SBF2: variants seen among roughly 807,000 people sequenced by gnomAD.
SBF2 encodes the protein myotubularin-related protein 13.
In SBF2, 112 loss-of-function variants were observed where a neutral mutation model predicts 225.2. The observed-to-expected ratio is 0.50, with a 90% CI of 0.43 to 0.58. SBF2 has a LOEUF of 0.58. Ranked by LOEUF, SBF2 falls within the 20% of genes least tolerant of loss-of-function variation. The pLI is 0.00. For synonymous variants in SBF2, 763 were observed against 773.3 expected (o/e 0.99, Z 0.22); for missense variants, 1,996 against 2,206.2 (o/e 0.90, Z 1.91).
At chr11:9,793,065 G>A (rs7102804) in intron 33 of SBF2, among the ~76,000 whole-genome samples, 55,208 of 151,064 alleles carry the variant, frequency 0.37, 10,404 homozygotes, top group Non-Finnish European at 0.39. Context: ...GGTGTGAGCC[G>A]TTGCACCCAG....
Position 10,090,764 on chromosome 11 carries a change from CAA to C in SBF2, c.142-47785_142-47784del, listed in dbSNP as rs201577494. ...TGGGAGTCAGAGCAAGATTCCATCT[CAA>C]AAAAAAAAAAAAAAAAAAAGCTATT... is the stretch of plus-strand genomic sequence containing the variant. On this transcript the variant is annotated intron_variant, in intron 2 of 39. Transcript: ENST00000256190. Among the ~76,000 whole-genome samples the C allele has an allele frequency of 2.9e-4, 13 of 44,420 alleles. No individual in the cohort carries two copies. In the East Asian group the frequency reaches 3.5e-3, roughly 12 times the overall value. The allele number at this position is 44,420 out of a possible 152,430, so 29.1% of individuals were successfully genotyped here.
At chr11:10,115,299 G>A (rs1425314611) in intron 2 of SBF2, among the ~76,000 whole-genome samples, 3 of 152,052 alleles carry the variant, frequency 2.0e-5, no homozygotes, top group Non-Finnish European at 4.4e-5. Flanking sequence ...ATACATTGCT[G>A]TGTATTTTTA....
intron 6 of SBF2, among the ~76,000 whole-genome samples, chr11:10,028,016 A>T (rs1949111821): frequency 6.6e-6 from 1 of 152,156 alleles, no homozygotes; most frequent in Non-Finnish European, 1.5e-5. Context: ...CTCAAGTGAT[A>T]CATCTACCTC....
chr11:10,019,101 G>A (rs1031928296), intron 6 of SBF2, among the ~76,000 whole-genome samples: 21 of 152,144 alleles, frequency 1.4e-4, no homozygotes, highest in African/African-American at 4.3e-4. Flanking sequence ...GGTAAGAGCT[G>A]TGATTTGTTC....
intron 1 of SBF2, among the ~76,000 whole-genome samples, chr11:10,286,262 A>G (rs756787544): frequency 6.6e-6 from 1 of 152,216 alleles, no homozygotes; most frequent in Non-Finnish European, 1.5e-5. Flanking sequence ...CAATGTATAC[A>G]TAAAACATCA....
intron 16 of SBF2, among the ~76,000 whole-genome samples, chr11:9,912,868 AC>A (rs1222470076): frequency 2.6e-5 from 4 of 152,278 alleles, no homozygotes; most frequent in Non-Finnish European, 4.4e-5. Flanking sequence ...CATATTGCAT[AC>A]AAGAAGACAT....
At chr11:9,985,986 A>G (rs1403174101) in intron 13 of SBF2, among the ~76,000 whole-genome samples, 1 of 152,190 alleles carries the variant, frequency 6.6e-6, no homozygotes, top group African/African-American at 2.4e-5. Context: ...TACCCATTCT[A>G]TTCAACAGCA....
At chr11:10,262,409 A>T (rs999369943) in intron 1 of SBF2, among the ~76,000 whole-genome samples, 1 of 152,138 alleles carries the variant, frequency 6.6e-6, no homozygotes, top group South Asian at 2.1e-4. Context: ...TCAAAGTGCA[A>T]CTCAAAATAA....
chr11:9,903,166 C>CA, intron 16 of SBF2, among the ~76,000 whole-genome samples: 1 of 151,770 alleles, frequency 6.6e-6, no homozygotes, highest in Admixed American at 6.6e-5. Flanking sequence ...CTAAAAAATA[C>CA]AAAAAATTAG....
intron 13 of SBF2, among the ~76,000 whole-genome samples, chr11:9,982,710 G>A (rs937930915): frequency 3.9e-5 from 6 of 152,186 alleles, no homozygotes; most frequent in African/African-American, 9.7e-5. Context: ...TCCTCGGAAG[G>A]AAGTGAACTG....
At chr11:10,249,235 CA>C (rs144334000) in intron 1 of SBF2, among the ~76,000 whole-genome samples, 41,330 of 151,630 alleles carry the variant, frequency 0.27, 6,394 homozygotes, top group Non-Finnish European at 0.35. Flanking sequence ...TGCTCTTTAA[CA>C]AAAAAAATTG....
intron 21 of SBF2, among the ~76,000 whole-genome samples, chr11:9,851,006 G>C (rs973150967): frequency 6.6e-6 from 1 of 151,938 alleles, no homozygotes; most frequent in Non-Finnish European, 1.5e-5. Flanking sequence ...CATGGTGGCA[G>C]GCGCCTGTAA....
At chr11:9,970,258 G>C (rs1867242027) in intron 13 of SBF2, among the ~76,000 whole-genome samples, 2 of 151,580 alleles carry the variant, frequency 1.3e-5, no homozygotes, top group Admixed American at 6.6e-5. Flanking sequence ...CCAGGCTGGA[G>C]GGCAGTGGCG....
At chr11:10,065,813 C>T (rs1325733680) in intron 2 of SBF2, among the ~76,000 whole-genome samples, 4 of 151,944 alleles carry the variant, frequency 2.6e-5, no homozygotes, top group South Asian at 2.1e-4. Flanking sequence ...CCAGGTGTGA[C>T]GGTGCATGTC....
At chr11:10,227,522 T>G (rs1352190077) in intron 1 of SBF2, among the ~76,000 whole-genome samples, 3 of 152,206 alleles carry the variant, frequency 2.0e-5, no homozygotes, top group Admixed American at 6.6e-5. Flanking sequence ...AGGGATCCAG[T>G]TTCAGCTTTC....
At chr11:9,940,268 G>A (rs886913752) in intron 16 of SBF2, among the ~76,000 whole-genome samples, 7 of 152,164 alleles carry the variant, frequency 4.6e-5, no homozygotes, top group Admixed American at 4.6e-4. Context: ...AGCCGGGCAT[G>A]GTGGCGGGCA....
chr11:9,905,910 C>A (rs760353281), intron 16 of SBF2, among the ~76,000 whole-genome samples: 175 of 152,272 alleles, frequency 1.1e-3, no homozygotes, highest in Non-Finnish European at 2.1e-3. Flanking sequence ...TGAAGGCAGT[C>A]ATTACCTTGG....
intron 16 of SBF2, among the ~76,000 whole-genome samples, chr11:9,946,839 T>C (rs571761536): frequency 2.6e-5 from 4 of 152,326 alleles, no homozygotes; most frequent in Admixed American, 1.3e-4. Context: ...TAAATTCTAC[T>C]TGCAAAAGCA....
At chr11:10,063,848 C>CAG (rs1222323355) in intron 2 of SBF2, among the ~76,000 whole-genome samples, 3 of 116,584 alleles carry the variant, frequency 2.6e-5, no homozygotes, top group African/African-American at 8.5e-5. Context: ...CACACACACA[C>CAG]ACACACACAC....
Sources: allele counts gnomAD v4.1 joint callset (sites outside exome capture counted in the v4.1 genomes callset), GRCh38; gene constraint gnomAD v4.1.1; transcripts MANE v1.5; gene names NCBI Gene and HGNC (gene_info 2026-07-23, HGNC 2026-07-21).